Variants in HS6ST3 observed in about 807,000 individuals in gnomAD.
The protein encoded by HS6ST3 is heparan-sulfate 6-O-sulfotransferase 3.
HS6ST3 carries 12 observed loss-of-function variants against 36.7 expected under a neutral mutation model. That is an observed-to-expected ratio of 0.33 (90% CI 0.21 to 0.53). The LOEUF is 0.53. Ranked by LOEUF, HS6ST3 falls within the 20% of genes least tolerant of loss-of-function variation. HS6ST3 has a pLI of 0.95. For synonymous variants in HS6ST3, 240 were observed against 257.5 expected, an observed-to-expected ratio of 0.93 and a Z score of 0.65; for missense variants, 584 against 640.9, an observed-to-expected ratio of 0.91 and a Z score of 0.96.
intron 1 of HS6ST3, among the ~76,000 whole-genome samples, chr13:96,286,876 C>A (rs2054806171): frequency 6.6e-6 from 1 of 151,914 alleles, no homozygotes; most frequent in Non-Finnish European, 1.5e-5. Flanking sequence ...AATAATTATG[C>A]CTTAGGTGAG....
chr13:96,219,815 C>G (rs2054446376), intron 1 of HS6ST3, among the ~76,000 whole-genome samples: 1 of 152,142 alleles, frequency 6.6e-6, no homozygotes, highest in South Asian at 2.1e-4. Context: ...TCCCAAGTAG[C>G]TGGGACTACA....
intron 1 of HS6ST3, among the ~76,000 whole-genome samples, chr13:96,692,969 T>C (rs1875009848): frequency 6.6e-6 from 1 of 152,220 alleles, no homozygotes; most frequent in Non-Finnish European, 1.5e-5. Flanking sequence ...CAAAGGGCCA[T>C]TTGTAGCTAA....
intron 1 of HS6ST3, among the ~76,000 whole-genome samples, chr13:96,470,735 T>C (rs1435088998): frequency 2.6e-5 from 4 of 152,192 alleles, no homozygotes; most frequent in Non-Finnish European, 5.9e-5. Flanking sequence ...CTCTCAATAT[T>C]GGCCATTGCC....
intron 1 of HS6ST3, among the ~76,000 whole-genome samples, chr13:96,129,740 T>A (rs1030479942): frequency 1.3e-5 from 2 of 152,186 alleles, no homozygotes; most frequent in Admixed American, 6.5e-5. Flanking sequence ...CAAGTTAAAA[T>A]GAGGTTATTT....
At chr13:96,404,883 G>A (rs2055469574) in intron 1 of HS6ST3, among the ~76,000 whole-genome samples, 1 of 152,206 alleles carries the variant, frequency 6.6e-6, no homozygotes, top group Non-Finnish European at 1.5e-5. Context: ...AACCCAGTGG[G>A]AGGTGATTGA....
intron 1 of HS6ST3, among the ~76,000 whole-genome samples, chr13:96,537,503 G>A (rs2056160559): frequency 6.6e-6 from 1 of 152,192 alleles, no homozygotes; most frequent in South Asian, 2.1e-4. Context: ...ATTAGGCATT[G>A]ATTTCTCTGT....
intron 1 of HS6ST3, among the ~76,000 whole-genome samples, chr13:96,593,416 GA>G (rs1245292433): frequency 6.6e-6 from 1 of 150,904 alleles, no homozygotes; most frequent in Non-Finnish European, 1.5e-5. Context: ...GGCTGGTCTT[GA>G]ATTACTGACC....
At position 96,548,428 on chromosome 13, in the gene HS6ST3, G is replaced by A. The variant is rs117088090; in HGVS notation, c.708-284062G>A. ...GCTTACGTAAACTGGCTTATGCATT[G>A]TCACCCCAAACTGTCTTTTACTATC... On this transcript the variant is annotated intron_variant, in intron 1 of 1. Coordinates refer to ENST00000376705, the MANE Select transcript of HS6ST3 (RefSeq NM_153456.4). Among the ~76,000 whole-genome samples the A allele has an allele frequency of 8.8e-3, 1,342 of 152,192 alleles. 13 individuals are homozygous for A. The highest frequency in any genetic ancestry group is 0.014 in the Non-Finnish European group (982 of 68,016).
At chr13:96,325,548 C>T (rs61966910) in intron 1 of HS6ST3, among the ~76,000 whole-genome samples, 12,709 of 152,054 alleles carry the variant, frequency 0.084, 580 homozygotes, top group Middle Eastern at 0.11. Context: ...GTAAGTAATC[C>T]GGAGAAGATT....
chr13:96,658,268 C>CTTCTTTTTTTTTTTTTTTTTT lies in HS6ST3; in HGVS notation c.708-174220_708-174219insCTTTTTTTTTTTTTTTTTTTT, dbSNP rs1566422902. On this transcript the variant is annotated intron_variant, in intron 1 of 1. Transcript: ENST00000376705. ...TTCTTCTTCTTCTTCTCTTCTTCTT[C>CTTCTTTTTTTTTTTTTTTTTT]TTTTTTTTTTTTTTTTTTTTTTTTT... Among the ~76,000 whole-genome samples the CTTCTTTTTTTTTTTTTTTTTT allele has an allele frequency of 5.8e-4, 44 of 76,150 alleles. 3 individuals carry two copies. Among genetic ancestry groups the CTTCTTTTTTTTTTTTTTTTTT allele is most frequent in the Non-Finnish European group, 8.3e-4 (34 of 41,038 alleles). 50.0% of individuals were successfully genotyped at this position (76,150 alleles called of 152,430 possible).
intron 1 of HS6ST3, among the ~76,000 whole-genome samples, chr13:96,144,671 AGGG>A (rs2054047866): frequency 6.6e-6 from 1 of 151,690 alleles, no homozygotes. Flanking sequence ...TTTAAGTTTT[AGGG>A]TACATGTGCA....
At position 96,760,484 on chromosome 13, in the gene HS6ST3, G is replaced by T. The variant is rs567586144; in HGVS notation, c.708-72006G>T. On this transcript the variant is annotated intron_variant, in intron 1 of 1. Transcript: ENST00000376705. ...AACCTTATAACATTTACGTTGTTCT[G>T]TAAAAAAAAAAATGCTTTGTATAAA... Among the ~76,000 whole-genome samples the T allele has an allele frequency of 4.0e-3, 544 of 137,104 alleles. 13 individuals carry two copies. The highest frequency in any genetic ancestry group is 1.0e-3 in the Non-Finnish European group (60 of 60,288). 89.9% of individuals were successfully genotyped at this position (137,104 alleles called of 152,430 possible).
intron 1 of HS6ST3, among the ~76,000 whole-genome samples, chr13:96,398,702 G>C (rs2055434416): frequency 6.6e-6 from 1 of 152,182 alleles, no homozygotes; most frequent in South Asian, 2.1e-4. Flanking sequence ...GCCCTGGTGT[G>C]ATCCACTACC....
At chr13:96,149,285 C>T (rs1182979832) in intron 1 of HS6ST3, among the ~76,000 whole-genome samples, 1 of 152,002 alleles carries the variant, frequency 6.6e-6, no homozygotes, top group Non-Finnish European at 1.5e-5. Flanking sequence ...TTAGTGCCTG[C>T]TTCGTTATGC....
chr13:96,658,123 T>C (rs2056631980), intron 1 of HS6ST3, among the ~76,000 whole-genome samples: 1 of 152,112 alleles, frequency 6.6e-6, no homozygotes, highest in Non-Finnish European at 1.5e-5. Flanking sequence ...TCTGAACTTT[T>C]GTGTGTCTGG....
Position 96,595,462 on chromosome 13 carries a change from C to T in HS6ST3, c.708-237028C>T, listed in dbSNP as rs540951539. Reference sequence around the variant, plus strand: ...TCTTGCTGCTTTCAGGATTTTTTTTCTCTCTCTCTCTCTCTTTGTTTTTTA... The same window carrying T: ...TCTTGCTGCTTTCAGGATTTTTTTTTTCTCTCTCTCTCTCTTTGTTTTTTA... On this transcript the variant is annotated intron_variant, in intron 1 of 1. Transcript: ENST00000376705. 1.1e-3 allele frequency among the ~76,000 whole-genome samples: 164 copies of T among 144,830 alleles called. 1 individual carries two copies. The highest frequency in any genetic ancestry group is 7.1e-3 in the Middle Eastern group (2 of 280).
intron 1 of HS6ST3, among the ~76,000 whole-genome samples, chr13:96,772,697 G>A (rs1437873465): frequency 6.6e-6 from 1 of 152,202 alleles, no homozygotes; most frequent in African/African-American, 2.4e-5. Flanking sequence ...CAGTGTTCAT[G>A]AATGGGTATA....
In HS6ST3 at chr13:96,833,613, T is replaced by G. The variant is rs1878858300; in HGVS notation, c.*415T>G. The G allele has an allele frequency of 6.0e-6, 1 of 167,800 alleles. No individual in the cohort carries two copies. The allele number at this position is 167,800 out of a possible 1,614,324, so 10.4% of individuals were successfully genotyped here. ...GTCTATGTCATACTGTCTCCTGTTA[T>G]GAGAATATCAGTTGGTATAAAGAGA... On this transcript the variant is annotated 3_prime_UTR_variant, in exon 2 of 2. Coordinates refer to ENST00000376705, the MANE Select transcript of HS6ST3 (RefSeq NM_153456.4).
intron 1 of HS6ST3, among the ~76,000 whole-genome samples, chr13:96,751,813 T>A (rs1876708445): frequency 6.6e-6 from 1 of 151,482 alleles, no homozygotes; most frequent in South Asian, 2.1e-4. Flanking sequence ...TGTGTATATA[T>A]ATATACACAT....
Sources: gnomAD v4.1 joint callset for allele counts (sites outside exome capture counted in the v4.1 genomes callset) on GRCh38, gnomAD v4.1.1 for gene constraint, MANE v1.5 for transcripts, NCBI Gene and HGNC (gene_info 2026-07-23, HGNC 2026-07-21) for gene names.